The following ZNF91 variants were observed in gnomAD, a reference collection of about 807,000 sequenced individuals.
ZNF91 encodes zinc finger protein 91, also known as zinc finger protein 91 (HPF7, HTF10).
Under a neutral mutation model 12.6 loss-of-function variants are expected in ZNF91, and 7 were observed. That is an observed-to-expected ratio of 0.55 (90% CI 0.31 to 1.04). The LOEUF (loss-of-function observed/expected upper bound fraction) is 1.04. Among genes scored for constraint, ZNF91 ranks in the 50% least tolerant of loss-of-function variants. The probability of loss-of-function intolerance (pLI) is 0.05; values close to 1 mark genes in which losing one functional copy is unlikely to be tolerated. For synonymous variants in ZNF91, 453 were observed against 462.6 expected, an observed-to-expected ratio of 0.98 and a Z score of 0.27; for missense variants, 1,217 against 1,385.4, an observed-to-expected ratio of 0.88 and a Z score of 1.93.
intron 3 of ZNF91, among the ~76,000 whole-genome samples, chr19:23,369,345 G>A (rs1165104974): frequency 6.6e-6 from 1 of 151,402 alleles, no homozygotes; most frequent in African/African-American, 2.4e-5. Flanking sequence ...GGGAGGTGGG[G>A]GGCAGCCCCC....
chr19:23,319,666 A>G (rs575463251), intron 1 of ZNF91, among the ~76,000 whole-genome samples: 26 of 152,302 alleles, frequency 1.7e-4, no homozygotes, highest in African/African-American at 6.0e-4. Flanking sequence ...ACCCCGCGAC[A>G]AGGTGGTGAG....
chr19:23,384,726 A>C (rs956044039), intron 1 of ZNF91: 2 of 612,472 alleles, frequency 3.3e-6, no homozygotes, highest in Non-Finnish European at 6.0e-6. Context: ...ATGAGCTTTT[A>C]CCTGGAAACT....
chr19:23,390,093 A>T (rs1405882311), intron 1 of ZNF91, among the ~76,000 whole-genome samples: 2 of 152,160 alleles, frequency 1.3e-5, no homozygotes, highest in Non-Finnish European at 2.9e-5. Flanking sequence ...GAGACAGGCG[A>T]ATCACCTGAG....
rs1968533746 is a variant in ZNF91 at position 23,357,867 on chromosome 19, G to A, written c.*1536C>T. On this transcript the variant is annotated 3_prime_UTR_variant, in exon 4 of 4. Coordinates refer to ENST00000300619, the MANE Select transcript of ZNF91 (RefSeq NM_003430.4). ...ATGGAGACCGCATTTAGTCTAATGC[G>A]ATTGTTATATATTGTGTGTCCGTAT... 1 of 152,050 alleles carries A rather than the reference G, an allele frequency of 6.6e-6. No homozygotes were observed. Among genetic ancestry groups the A allele is most frequent in the African/African-American group, 2.4e-5 (1 of 41,422 alleles). The allele number at this position is 152,050 out of a possible 1,614,324, so 9.4% of individuals were successfully genotyped here.
intron 1 of ZNF91, among the ~76,000 whole-genome samples, chr19:23,382,049 CAAAAAAAAA>C (rs60814223): frequency 2.5e-5 from 2 of 79,402 alleles, no homozygotes; most frequent in African/African-American, 4.1e-5. Flanking sequence ...AATCCTGAGA[CAAAAAAAAA>C]AAAAAAAAAA....
intron 3 of ZNF91, among the ~76,000 whole-genome samples, chr19:23,373,380 ATATATAAAT>A (rs1568395275): frequency 2.5e-5 from 2 of 79,956 alleles, no homozygotes; most frequent in Non-Finnish European, 6.2e-5. Context: ...ATATATATAT[ATATATAAAT>A]AAACAGTACT....
chr19:23,367,110 T>C (rs543445989), intron 3 of ZNF91, among the ~76,000 whole-genome samples: 22 of 152,296 alleles, frequency 1.4e-4, no homozygotes, highest in South Asian at 2.1e-4. Context: ...CTGGGCAACA[T>C]AGTGAGACCC....
Position 23,341,309 on chromosome 19 carries a change from A to G in ZNF91, c.254-2255T>C, listed in dbSNP as rs1214250199. Among the ~76,000 whole-genome samples the G allele has an allele frequency of 3.9e-5, 6 of 152,066 alleles. No individual in the cohort carries two copies. The East Asian group carries it at 1.2e-3, about 29-fold the overall frequency. On this transcript the variant is annotated intron_variant, in intron 3 of 3. Coordinates refer to the ZNF91 transcript ENST00000599743. ...CATGACCTGCCCGCCTCTACCTCCC[A>G]AAGTGTTGGGATTACAGGCGTGAGC...
At position 23,360,781 on chromosome 19, in the gene ZNF91, T is replaced by G. The variant is rs2145054585; in HGVS notation, c.2198A>C (p.Lys733Thr). Residue 733 changes from lysine (K) to threonine (T), a missense_variant, in exon 4 of 4, where the codon AAG becomes ACG. Physicochemically the swap from Lys to Thr is moderately conservative, Grantham distance 78. This residue lies in a region of ZNF91 where 726 missense variants were observed against 895.5 expected (regional missense o/e 0.81). Transcript: ENST00000300619. ...AGGTTTCTCTCCAGTATGAATAAAC[T>G]TATGTATAGTAAGATTTGAAGATCG... ...FNRSSNLTIHKFIHTGEKPYK... is the reference protein window; with the variant it reads ...FNRSSNLTIHTFIHTGEKPYK... 6.2e-7 allele frequency: 1 copy of G among 1,613,056 alleles called. No individual in the cohort carries two copies. The highest frequency in any genetic ancestry group is 1.1e-5 in the South Asian group (1 of 91,050).
rs1555740251 is a variant in ZNF91, at chr19:23,362,299, T to C, written c.680A>G (p.Asn227Ser). The part of the protein sequence containing the change: ...KTFHWSSTLT[N>S]HKEIHTEDKP... ...ATCTTCAGTATGAATTTCCTTATGATTAGTAAGGGTTGAGGACCAATGAAA... is the reference window on the plus strand; with the variant it reads ...ATCTTCAGTATGAATTTCCTTATGACTAGTAAGGGTTGAGGACCAATGAAA... Residue 227 changes from asparagine (N) to serine (S), a missense_variant, in exon 4 of 4, where the codon AAT (asparagine) becomes AGT (serine). By Grantham distance (46) the Asn-to-Ser change is conservative (BLOSUM62 1). Around this residue, in one of 2 missense-constraint regions of ZNF91, gnomAD observed 726 missense variants for 895.5 expected, o/e 0.81. Coordinates refer to ENST00000300619, the MANE Select transcript of ZNF91 (RefSeq NM_003430.4). 1 of 1,613,940 alleles carries C rather than the reference T, an allele frequency of 6.2e-7. No homozygotes were observed. The highest frequency in any genetic ancestry group is 8.5e-7 in the Non-Finnish European group (1 of 1,179,946).
intron 1 of ZNF91, among the ~76,000 whole-genome samples, chr19:23,378,832 T>C (rs1969598012): frequency 6.6e-6 from 1 of 152,210 alleles, no homozygotes; most frequent in Non-Finnish European, 1.5e-5. Context: ...GTAGGGACCA[T>C]GACTGCTTCA....
intron 1 of ZNF91, among the ~76,000 whole-genome samples, chr19:23,382,209 C>T (rs978062189): frequency 6.6e-6 from 1 of 151,944 alleles, no homozygotes; most frequent in African/African-American, 2.4e-5. Flanking sequence ...CTAATTAAGC[C>T]TCTTATTTCT....
At chr19:23,322,883 C>T (rs1447772384) in intron 1 of ZNF91, among the ~76,000 whole-genome samples, 2 of 116,880 alleles carry the variant, frequency 1.7e-5, no homozygotes, top group African/African-American at 7.4e-5. Flanking sequence ...TCTCCCCCAC[C>T]TCCTCCTCCA....
chr19:23,382,021 C>T (rs536036651), intron 1 of ZNF91, among the ~76,000 whole-genome samples: 73 of 132,522 alleles, frequency 5.5e-4, no homozygotes, highest in African/African-American at 2.0e-3. Flanking sequence ...CAATTAATCT[C>T]GGGTCCCAGA....
intron 1 of ZNF91, among the ~76,000 whole-genome samples, chr19:23,330,665 T>C (rs763446324): frequency 1.3e-5 from 2 of 150,616 alleles, no homozygotes; most frequent in African/African-American, 2.5e-5. Context: ...TCCATTTCTA[T>C]ATGGGATAAG....
At chr19:23,342,786 A>G (rs188711001) in intron 3 of ZNF91, among the ~76,000 whole-genome samples, 1 of 152,074 alleles carries the variant, frequency 6.6e-6, no homozygotes, top group African/African-American at 2.4e-5. Flanking sequence ...CCAGGTTTCT[A>G]TAGTTCTCTA....
chr19:23,313,467 T>A (rs575503378), upstream of ZNF91, among the ~76,000 whole-genome samples: 1 of 152,330 alleles, frequency 6.6e-6, no homozygotes, highest in East Asian at 1.9e-4. Flanking sequence ...CTGTGATGTA[T>A]CAGTGGGCCC....
chr19:23,318,669 C>CAT (rs34062806), intron 1 of ZNF91, among the ~76,000 whole-genome samples: 42,335 of 151,936 alleles, frequency 0.28, 6,085 homozygotes, highest in East Asian at 0.38. Context: ...GAGATTATCA[C>CAT]GTCTCTGATT....
chr19:23,354,522 TAGAAA>T (rs1968441350), downstream of ZNF91, among the ~76,000 whole-genome samples: 1 of 152,104 alleles, frequency 6.6e-6, no homozygotes, highest in Admixed American at 6.5e-5. Flanking sequence ...TAATACTGAA[TAGAAA>T]AAAGTTGAAA....
Sources: gnomAD v4.1 joint callset for allele counts (sites outside exome capture counted in the v4.1 genomes callset) on GRCh38, gnomAD v4.1.1 for gene constraint, gnomAD v4.1.1 regional missense constraint, MANE v1.5 for transcripts, NCBI Gene and HGNC (gene_info 2026-07-23, HGNC 2026-07-21) for gene names.